The following TSKS variants were observed in gnomAD, a reference collection of about 807,000 sequenced individuals.
TSKS encodes testis specific serine kinase substrate, also known as testis-specific serine kinase substrate.
A neutral mutation model predicts 68.0 loss-of-function variants in TSKS; 27 were observed. The observed-to-expected ratio is 0.40, with a 90% confidence interval of 0.29 to 0.55. TSKS has a LOEUF of 0.55. Ranked by LOEUF, TSKS falls within the 20% of genes least tolerant of loss-of-function variation. The pLI is 0.53. For missense variants in TSKS, 806 were observed against 776.0 expected (o/e 1.04, Z -0.46); for synonymous variants, 331 against 340.4 (o/e 0.97, Z 0.30).
chr19:49,762,046 G>A lies in TSKS; in HGVS notation c.357C>T (p.Thr119=), dbSNP rs1274693475. ...CTGCGTCATCCGGATCCCAGGGTAG[G>A]GTAGGGGAGGCAGGGGGCCCAGCCA... ...LTLAGPPASP[T]LPWDPDDADI... is the part of the protein sequence containing the mutation. The change falls in exon 2 of 11, where the codon ACC becomes ACT. Residue 119 remains threonine (T), a synonymous_variant. Transcript: ENST00000246801. 1 of 1,614,020 alleles carries A rather than the reference G, an allele frequency of 6.2e-7. No individual in the cohort carries two copies. The highest frequency in any genetic ancestry group is 8.5e-7 in the Non-Finnish European group (1 of 1,180,038).
At chr19:49,749,103 G>A (rs182371814) in intron 2 of TSKS, among the ~76,000 whole-genome samples, 1 of 152,084 alleles carries the variant, frequency 6.6e-6, no homozygotes, top group Non-Finnish European at 1.5e-5. Context: ...CTTAAAAAGA[G>A]AAACTTTGAA....
At chr19:49,746,964 T>C (rs558517479) in intron 5 of TSKS, among the ~76,000 whole-genome samples, 166 bp from the exon 6 acceptor site, 1 of 152,298 alleles carries the variant, frequency 6.6e-6, no homozygotes, top group African/African-American at 2.4e-5. Flanking sequence ...GAGGCACCAT[T>C]TGAGGCCCAG....
At chr19:49,741,671 G>A (rs1234073615) in intron 9 of TSKS, among the ~76,000 whole-genome samples, 1 of 152,116 alleles carries the variant, frequency 6.6e-6, no homozygotes, top group African/African-American at 2.4e-5. Context: ...CATCTTCCGA[G>A]GTAGCGTAAT....
chr19:49,749,216 T>C (rs779625487), intron 2 of TSKS, among the ~76,000 whole-genome samples: 6 of 152,206 alleles, frequency 3.9e-5, no homozygotes, highest in Non-Finnish European at 5.9e-5. Context: ...TCTTTTATTC[T>C]TCACAACTCC....
intron 2 of TSKS, among the ~76,000 whole-genome samples, chr19:49,752,269 A>G (rs933375371): frequency 6.6e-6 from 1 of 151,888 alleles, no homozygotes; most frequent in Non-Finnish European, 1.5e-5. Context: ...CTGTAGTCCC[A>G]GCTACTTGGG....
intron 2 of TSKS, among the ~76,000 whole-genome samples, chr19:49,760,106 G>T (rs556794350): frequency 6.6e-6 from 1 of 151,646 alleles, no homozygotes; most frequent in African/African-American, 2.4e-5. Flanking sequence ...AGCCAAGATC[G>T]CACCACTGTA....
Position 49,751,950 on chromosome 19 carries a change from T to A in TSKS, c.400-3481A>T, listed in dbSNP as rs557112763. On this transcript the variant is annotated intron_variant, in intron 2 of 10. Coordinates refer to ENST00000246801, the MANE Select transcript of TSKS (RefSeq NM_021733.2). ...GTAGCCAGGTGTGGTGGTGTGCACCTGTAGTCCCAGCTCCTCAGGAGGCTG... is the reference window on the plus strand; with the variant it reads ...GTAGCCAGGTGTGGTGGTGTGCACCAGTAGTCCCAGCTCCTCAGGAGGCTG... 1.4e-3 allele frequency among the ~76,000 whole-genome samples: 214 copies of A among 148,884 alleles called. 2 individuals are homozygous for A. Among genetic ancestry groups the A allele is most frequent in the African/African-American group, 5.0e-3 (201 of 40,380 alleles).
intron 8 of TSKS, among the ~76,000 whole-genome samples, chr19:49,742,529 C>T (rs1238536380): frequency 1.3e-4 from 14 of 104,928 alleles, no homozygotes; most frequent in African/African-American, 4.8e-4. Context: ...GATGGAGTCT[C>T]GCTCTGTCAC....
chr19:49,752,204 C>T (rs938289960), intron 2 of TSKS, among the ~76,000 whole-genome samples: 1 of 151,960 alleles, frequency 6.6e-6, no homozygotes, highest in Non-Finnish European at 1.5e-5. Flanking sequence ...GCCAACATGG[C>T]GAAAGCCCGA....
rs200910284 is a variant in TSKS, at chr19:49,745,374, C to A, written c.1015G>T (p.Ala339Ser). The A allele has an allele frequency of 6.3e-7, 1 of 1,576,898 alleles. No individual in the cohort carries two copies. The highest frequency in any genetic ancestry group is 8.6e-7 in the Non-Finnish European group (1 of 1,165,636). The change falls in exon 7 of 11, where the codon GCC (alanine) becomes TCC (serine). Residue 339 changes from alanine (A) to serine (S), a missense_variant. By Grantham distance (99) the Ala-to-Ser change is moderately conservative (BLOSUM62 1). Coordinates refer to ENST00000246801, the MANE Select transcript of TSKS (RefSeq NM_021733.2). ...ELRREVSSLT[A>S]RWHQEEGAVQ... ...GCCCCCTCCTCCTGATGCCACCGGG[C>A]GGTCAGTGAGGACACCTCTCTCCTG...
In TSKS at chr19:49,763,184, G is replaced by A. The variant is rs751554552; in HGVS notation, c.64C>T (p.Pro22Ser). The A allele has an allele frequency of 6.3e-7, 1 of 1,595,282 alleles. No homozygotes were observed. The change falls in exon 1 of 11, where the codon CCC (proline) becomes TCC (serine). Residue 22 changes from proline to serine, a missense_variant. Coordinates refer to ENST00000246801, the MANE Select transcript of TSKS (RefSeq NM_021733.2). This position sits in a 1 kb window ranked among gnomAD's most constrained non-coding sequence, Gnocchi z 4.5. ...TGGGAGCAGCTCTCCACCCCCGTGG[G>A]GGTGTCCCCGGCCTCATGGATCTCT... ...SKEIHEAGDTPTGVESCSQLV... is the reference protein window; with the variant it reads ...SKEIHEAGDTSTGVESCSQLV...
intron 2 of TSKS, among the ~76,000 whole-genome samples, chr19:49,755,383 A>C (rs1187613423): frequency 6.6e-6 from 1 of 152,232 alleles, no homozygotes; most frequent in Non-Finnish European, 1.5e-5. Flanking sequence ...CACATCCAAG[A>C]AGCCAAATGA....
intron 3 of TSKS, 73 bp from the exon 4 acceptor site, chr19:49,748,241 G>T: frequency 6.3e-7 from 1 of 1,581,980 alleles, no homozygotes; most frequent in Non-Finnish European, 8.7e-7. Context: ...ATCTGGGCCT[G>T]GGAAGGTTCC....
intron 2 of TSKS, among the ~76,000 whole-genome samples, chr19:49,760,854 C>T (rs934323343): frequency 6.6e-5 from 10 of 151,628 alleles, no homozygotes; most frequent in South Asian, 4.2e-4. Context: ...TTTGGGAGGC[C>T]GAGGTGGGCA....
intron 7 of TSKS, 40 bp from the exon 8 acceptor site, chr19:49,744,444 A>G: frequency 1.3e-6 from 2 of 1,595,702 alleles, no homozygotes; most frequent in South Asian, 1.1e-5. Flanking sequence ...TCGTCTCTTC[A>G]GCGGTATAAC....
chr19:49,748,337 A>T lies in TSKS; in HGVS notation c.495+37T>A, dbSNP rs368938110. 166 of 1,597,984 alleles carry T rather than the reference A, an allele frequency of 1.0e-4. No individual in the cohort carries two copies. In the African/African-American group the frequency reaches 2.1e-3, roughly 20 times the overall value. ...CTCCAAGAAGGGAACTTGGCCCTGG[A>T]GGAAGGGCAGGTGTTGGATATAGGG... On this transcript the variant is annotated intron_variant, in intron 3 of 10. Transcript: ENST00000246801.
chr19:49,747,193 G>A, intron 5 of TSKS, 196 bp downstream of exon 5: 1 of 1,536,774 alleles, frequency 6.5e-7, no homozygotes, highest in Non-Finnish European at 8.7e-7. Flanking sequence ...TGTGACTGCA[G>A]GGCAAGAGTC....
At position 49,746,486 on chromosome 19, in the gene TSKS, C is replaced by T. The variant is rs764538734; in HGVS notation, c.976G>A (p.Gly326Ser). ...SEQELQKLFTGIEELRREVSS... is the reference protein window; with the variant it reads ...SEQELQKLFTSIEELRREVSS... ...CCCGCCCACCTCAGCTCTTCGATGCCGGTGAACAGCTTCTGCAATTCCTGC... is the reference window on the plus strand; with the variant it reads ...CCCGCCCACCTCAGCTCTTCGATGCTGGTGAACAGCTTCTGCAATTCCTGC... Residue 326 changes from glycine (G) to serine (S), a missense_variant, in exon 6 of 11, where the codon GGC becomes AGC. By Grantham distance (56) the Gly-to-Ser change is moderately conservative. Coordinates refer to ENST00000246801, the MANE Select transcript of TSKS (RefSeq NM_021733.2). 4 of 1,613,962 alleles carry T rather than the reference C, an allele frequency of 2.5e-6. No individual in the cohort carries two copies. Among genetic ancestry groups the T allele is most frequent in the African/African-American group, 1.3e-5 (1 of 75,070 alleles).
intron 8 of TSKS, among the ~76,000 whole-genome samples, chr19:49,743,669 T>A (rs971062476): frequency 4.7e-5 from 7 of 147,720 alleles, no homozygotes; most frequent in Admixed American, 1.4e-4. Context: ...AGCTAATTTT[T>A]TTTTGTATTT....
Sources: gnomAD v4.1 joint callset for allele counts (sites outside exome capture counted in the v4.1 genomes callset) on GRCh38, gnomAD v4.1.1 for gene constraint, Gnocchi (gnomAD v3.1) non-coding constraint, MANE v1.5 for transcripts, NCBI Gene and HGNC (gene_info 2026-07-23, HGNC 2026-07-21) for gene names.